The following DOK6 variants were observed in gnomAD, a reference collection of about 807,000 sequenced individuals.
DOK6 encodes the protein docking protein 6.
Under a neutral mutation model 44.0 loss-of-function variants are expected in DOK6, and 22 were observed. That is an observed-to-expected ratio of 0.50 (90% CI 0.36 to 0.71). DOK6 has a LOEUF of 0.71. Among genes scored for constraint, DOK6 ranks in the 30% least tolerant of loss-of-function variants. DOK6 has a pLI of 0.00. For synonymous variants in DOK6, 166 were observed against 145.5 expected, an observed-to-expected ratio of 1.14 and a Z score of -1.01; for missense variants, 340 against 416.4, an observed-to-expected ratio of 0.82 and a Z score of 1.60.
intron 1 of DOK6, among the ~76,000 whole-genome samples, chr18:69,559,216 C>A (rs1300825913): frequency 6.6e-6 from 1 of 152,112 alleles, no homozygotes; most frequent in Non-Finnish European, 1.5e-5. Flanking sequence ...GTTTAACTCA[C>A]TCTTTAATAG....
chr18:69,796,160 A>C (rs1477829418), intron 7 of DOK6, among the ~76,000 whole-genome samples: 1 of 152,210 alleles, frequency 6.6e-6, no homozygotes, highest in South Asian at 2.1e-4. Context: ...AGGTGAGCTC[A>C]GTAACAGCGT....
At chr18:69,679,556 C>A (rs1262733465) in intron 4 of DOK6, among the ~76,000 whole-genome samples, 1 of 152,158 alleles carries the variant, frequency 6.6e-6, no homozygotes. Context: ...TAAGCAGAGT[C>A]CATAATCATG....
chr18:69,561,926 AC>A (rs771887077), intron 1 of DOK6, among the ~76,000 whole-genome samples: 6 of 152,188 alleles, frequency 3.9e-5, no homozygotes, highest in Non-Finnish European at 8.8e-5. Flanking sequence ...TTGTAAAAAA[AC>A]AATATGACAA....
rs114427242 is a variant in DOK6 at position 69,497,893 on chromosome 18, C to T, written c.67-66594C>T. 2.6e-3 allele frequency among the ~76,000 whole-genome samples: 396 copies of T among 151,942 alleles called. 1 individual carries two copies. Among genetic ancestry groups the T allele is most frequent in the African/African-American group, 8.9e-3 (368 of 41,418 alleles). On this transcript the variant is annotated intron_variant, in intron 1 of 7. Transcript: ENST00000382713. ...TAATCTCACTACGTTGGGAAGGTGA[C>T]GTTGGAGGATCACTTGAAGCTAGGA...
intron 1 of DOK6, among the ~76,000 whole-genome samples, chr18:69,522,321 C>G (rs2119958): frequency 6.6e-6 from 1 of 151,752 alleles, no homozygotes; most frequent in African/African-American, 2.4e-5. Flanking sequence ...TCGGAGGTCC[C>G]CAAACACAAT....
intron 2 of DOK6, among the ~76,000 whole-genome samples, chr18:69,586,155 A>G (rs940728356): frequency 3.9e-5 from 6 of 152,234 alleles, no homozygotes; most frequent in African/African-American, 9.6e-5. Context: ...AGAAATGCCA[A>G]CGAGAAGCAG....
At chr18:69,656,908 G>C (rs937728227) in intron 3 of DOK6, among the ~76,000 whole-genome samples, 2 of 152,096 alleles carry the variant, frequency 1.3e-5, no homozygotes, top group African/African-American at 2.4e-5. Flanking sequence ...AGAAATTCCA[G>C]GGTTGGAGTC....
rs536813676 is a variant in DOK6 at position 69,829,521 on chromosome 18, G to C, written c.857-11723G>C. 2.8e-3 allele frequency among the ~76,000 whole-genome samples: 429 copies of C among 152,106 alleles called. 1 individual carries two copies. The highest frequency in any genetic ancestry group is 6.8e-3 in the Middle Eastern group (2 of 294). On this transcript the variant is annotated intron_variant, in intron 7 of 7. Coordinates refer to ENST00000382713, the MANE Select transcript of DOK6 (RefSeq NM_152721.6). ...GTAGTGGAGCTGGAAGTCAAACCAA[G>C]TAGTCTTCTTTTAGAGTTTATACTA...
At chr18:69,577,812 C>A (rs1025042973) in intron 2 of DOK6, among the ~76,000 whole-genome samples, 1 of 152,064 alleles carries the variant, frequency 6.6e-6, no homozygotes, top group Admixed American at 6.6e-5. Flanking sequence ...CCTTCCAGAG[C>A]TAAACTTGAT....
chr18:69,746,343 T>C (rs983928413), intron 6 of DOK6, among the ~76,000 whole-genome samples: 5 of 152,196 alleles, frequency 3.3e-5, no homozygotes, highest in African/African-American at 1.2e-4. Context: ...CTTGGCTCTC[T>C]ACCTCCTAGT....
At chr18:69,839,990 CTAAGTGGT>C (rs1310295306) in intron 7 of DOK6, among the ~76,000 whole-genome samples, 2 of 152,202 alleles carry the variant, frequency 1.3e-5, no homozygotes, top group Admixed American at 1.3e-4. Context: ...GGTTCTACCG[CTAAGTGGT>C]TAAGTGGTTC....
intron 4 of DOK6, among the ~76,000 whole-genome samples, chr18:69,687,358 T>C (rs7231109): frequency 0.13 from 20,198 of 152,170 alleles, 1,468 homozygotes; most frequent in South Asian, 0.23. Flanking sequence ...AAATTCAAAA[T>C]TCATTTATGA....
intron 3 of DOK6, among the ~76,000 whole-genome samples, chr18:69,665,329 C>T (rs1429484590): frequency 6.6e-6 from 1 of 152,180 alleles, no homozygotes; most frequent in Non-Finnish European, 1.5e-5. Flanking sequence ...AAACCTATGA[C>T]CCAATGCACA....
At chr18:69,649,948 C>T (rs1258397403) in intron 3 of DOK6, among the ~76,000 whole-genome samples, 2 of 151,970 alleles carry the variant, frequency 1.3e-5, no homozygotes, top group Non-Finnish European at 2.9e-5. Flanking sequence ...ACCCACTGAT[C>T]CTAAAATACA....
chr18:69,613,335 T>C (rs1568311565), intron 3 of DOK6, among the ~76,000 whole-genome samples: 1 of 152,162 alleles, frequency 6.6e-6, no homozygotes, highest in South Asian at 2.1e-4. Context: ...CATTGCTGTA[T>C]ACAATGAGAA....
At chr18:69,718,629 G>A (rs1357518965) in intron 5 of DOK6, among the ~76,000 whole-genome samples, 3 of 152,142 alleles carry the variant, frequency 2.0e-5, no homozygotes, top group Non-Finnish European at 1.5e-5. Flanking sequence ...CAAAGAGTGA[G>A]TAATCACTTT....
chr18:69,458,104 G>A (rs1335060895), intron 1 of DOK6, among the ~76,000 whole-genome samples: 1 of 152,178 alleles, frequency 6.6e-6, no homozygotes, highest in African/African-American at 2.4e-5. Context: ...GTTACAGCAA[G>A]CCAAGGTCAT....
intron 7 of DOK6, among the ~76,000 whole-genome samples, chr18:69,805,148 A>G (rs1981018642): frequency 6.6e-6 from 1 of 152,234 alleles, no homozygotes; most frequent in African/African-American, 2.4e-5. Context: ...TCAATAAATC[A>G]GGAACTGCAC....
At chr18:69,413,853 C>CA (rs780182034) in intron 1 of DOK6, among the ~76,000 whole-genome samples, 1 of 151,730 alleles carries the variant, frequency 6.6e-6, no homozygotes, top group Non-Finnish European at 1.5e-5. Context: ...ACATCTCTGA[C>CA]AAAAAACTAG....
Sources: allele counts gnomAD v4.1 joint callset (sites outside exome capture counted in the v4.1 genomes callset), GRCh38; gene constraint gnomAD v4.1.1; transcripts MANE v1.5; gene names NCBI Gene and HGNC (gene_info 2026-07-23, HGNC 2026-07-21).